The following BACH2 variants were observed in gnomAD, a reference collection of about 807,000 sequenced individuals.
BACH2 encodes the protein transcription regulator protein BACH2.
In BACH2, 5 loss-of-function variants were observed where a neutral mutation model predicts 61.8. That is an observed-to-expected ratio of 0.08 (90% CI 0.04 to 0.17). The LOEUF (loss-of-function observed/expected upper bound fraction) is 0.17. BACH2 is among the 10% of genes least tolerant of loss of function. The pLI, the probability that BACH2 is intolerant of heterozygous loss-of-function variation, is 1.00. For missense variants in BACH2, 824 were observed against 1,091.1 expected (o/e 0.76, Z 3.45); for synonymous variants, 446 against 440.1 (o/e 1.01, Z -0.17).
chr6:90,104,584 T>C (rs1782817722), intron 4 of BACH2: 1 of 152,388 alleles, frequency 6.6e-6, no homozygotes, highest in African/African-American at 2.4e-5. Flanking sequence ...GTTCCCCATC[T>C]TGCCTTATGA....
chr6:90,264,840 C>T (rs565179536), intron 2 of BACH2, among the ~76,000 whole-genome samples: 69 of 152,110 alleles, frequency 4.5e-4, no homozygotes, highest in African/African-American at 1.6e-3. Flanking sequence ...CTGGGAGACC[C>T]GTGAGAGGTT....
chr6:90,134,421 G>C (rs942982903), intron 4 of BACH2, among the ~76,000 whole-genome samples: 1 of 152,224 alleles, frequency 6.6e-6, no homozygotes, highest in African/African-American at 2.4e-5. Context: ...TAGGCATGAA[G>C]AGTGATGAAG....
chr6:90,190,362 G>C (rs1458926733), intron 4 of BACH2, among the ~76,000 whole-genome samples: 1 of 152,174 alleles, frequency 6.6e-6, no homozygotes, highest in Non-Finnish European at 1.5e-5. Context: ...ATTCAGGCCT[G>C]AAAAAATGTT....
At chr6:90,117,386 T>C (rs1292669760) in intron 4 of BACH2, among the ~76,000 whole-genome samples, 1 of 152,160 alleles carries the variant, frequency 6.6e-6, no homozygotes, top group East Asian at 1.9e-4. Flanking sequence ...AACCTTTAGG[T>C]GTAAGATTAG....
At position 90,139,238 on chromosome 6, in the gene BACH2, C is replaced by T. The variant is rs539385693; in HGVS notation, c.-161-50129G>A. Among the ~76,000 whole-genome samples, 9 of 152,266 alleles carry T rather than the reference C, an allele frequency of 5.9e-5. No individual in the cohort carries two copies. The South Asian group carries it at 1.9e-3, about 32-fold the overall frequency. On this transcript the variant is annotated intron_variant, in intron 4 of 8. Coordinates refer to ENST00000257749, the MANE Select transcript of BACH2 (RefSeq NM_021813.4). ...TCCTTTCTCCACCCTTTTCTTCTTT[C>T]TCTACGTCTTCTAGTCATCCTCTGC...
chr6:90,257,979 T>C (rs181099276), intron 2 of BACH2, among the ~76,000 whole-genome samples: 1 of 152,304 alleles, frequency 6.6e-6, no homozygotes, highest in East Asian at 1.9e-4. Flanking sequence ...TTTCACCATG[T>C]TGGCCAGGAT....
At chr6:90,234,073 C>T (rs1770185254) in intron 3 of BACH2, among the ~76,000 whole-genome samples, 1 of 152,194 alleles carries the variant, frequency 6.6e-6, no homozygotes, top group Admixed American at 6.5e-5. Context: ...CTTATCACCA[C>T]CCACATCAGC....
intron 6 of BACH2, among the ~76,000 whole-genome samples, chr6:89,968,455 T>A (rs1035900866): frequency 3.9e-5 from 6 of 152,266 alleles, no homozygotes; most frequent in Admixed American, 2.6e-4. Context: ...AGTGTATTTT[T>A]TTAAGAAGGC....
chr6:89,957,317 C>T (rs531803447), intron 6 of BACH2, among the ~76,000 whole-genome samples: 6 of 152,320 alleles, frequency 3.9e-5, no homozygotes, highest in Non-Finnish European at 8.8e-5. Flanking sequence ...AAGCAGCATG[C>T]TAGACATTTA....
At chr6:90,011,109 T>C (rs1777680088) in intron 5 of BACH2, among the ~76,000 whole-genome samples, 1 of 152,144 alleles carries the variant, frequency 6.6e-6, no homozygotes, top group South Asian at 2.1e-4. Context: ...CATCTTGGTG[T>C]CACATCTAAA....
At chr6:89,933,241 C>T (rs1397079002) in intron 8 of BACH2, among the ~76,000 whole-genome samples, 1 of 152,080 alleles carries the variant, frequency 6.6e-6, no homozygotes, top group African/African-American at 2.4e-5. Flanking sequence ...CTCTCAGTCC[C>T]AATCTTGTGA....
At chr6:90,219,073 GAAAAA>G (rs34688750) in intron 3 of BACH2, among the ~76,000 whole-genome samples, 1 of 151,572 alleles carries the variant, frequency 6.6e-6, no homozygotes, top group African/African-American at 2.4e-5. Flanking sequence ...GTAAAAAAAA[GAAAAA>G]AAATTGTTGT....
chr6:89,936,174 CAG>C (rs1198419868), intron 8 of BACH2, among the ~76,000 whole-genome samples: 1 of 152,132 alleles, frequency 6.6e-6, no homozygotes, highest in Admixed American at 6.5e-5. Flanking sequence ...GCTGGGGAGA[CAG>C]ACAAATGTAT....
At chr6:90,138,280 A>G (rs1371431784) in intron 4 of BACH2, among the ~76,000 whole-genome samples, 1 of 152,256 alleles carries the variant, frequency 6.6e-6, no homozygotes, top group East Asian at 1.9e-4. Flanking sequence ...AGGCGGGTGG[A>G]TCACCCAAGG....
chr6:90,293,962 A>G (rs558721901), intron 1 of BACH2, among the ~76,000 whole-genome samples: 1 of 152,342 alleles, frequency 6.6e-6, no homozygotes, highest in South Asian at 2.1e-4. Flanking sequence ...CAATAGGAAA[A>G]TAATAAATGG....
chr6:89,958,440 T>C (rs1325424340), intron 6 of BACH2, among the ~76,000 whole-genome samples: 1 of 119,234 alleles, frequency 8.4e-6, no homozygotes, highest in Non-Finnish European at 1.9e-5. Flanking sequence ...AGTTTCTCTA[T>C]GCTTTAGTTT....
intron 1 of BACH2, among the ~76,000 whole-genome samples, chr6:90,295,312 C>T (rs561169776): frequency 1.3e-5 from 2 of 152,260 alleles, no homozygotes; most frequent in Admixed American, 6.5e-5. Context: ...GCTGGGGATG[C>T]CCCATGCGCC....
intron 6 of BACH2, among the ~76,000 whole-genome samples, chr6:89,981,019 G>A (rs1374939724): frequency 6.6e-6 from 1 of 151,064 alleles, no homozygotes; most frequent in African/African-American, 2.4e-5. Context: ...TTCTGATTAG[G>A]CTTAATTAGA....
At chr6:90,037,505 T>C (rs1297575464) in intron 5 of BACH2, among the ~76,000 whole-genome samples, 1 of 152,178 alleles carries the variant, frequency 6.6e-6, no homozygotes, top group Non-Finnish European at 1.5e-5. Context: ...TTCCAGCAGC[T>C]GAATTATTGT....
Sources: allele counts gnomAD v4.1 joint callset (sites outside exome capture counted in the v4.1 genomes callset), GRCh38; gene constraint gnomAD v4.1.1; transcripts MANE v1.5; gene names NCBI Gene and HGNC (gene_info 2026-07-23, HGNC 2026-07-21).